ZNF410: variants seen among roughly 807,000 people sequenced by gnomAD.
The protein encoded by ZNF410 is another partner for ARF 1.
ZNF410 carries 18 observed loss-of-function variants against 54.8 expected under a neutral mutation model. The ratio of observed to expected loss-of-function variants is 0.33; its 90% CI spans 0.23 to 0.49. ZNF410 has a LOEUF of 0.49. Ranked by LOEUF, ZNF410 falls within the 20% of genes least tolerant of loss-of-function variation. The pLI, the probability that ZNF410 is intolerant of heterozygous loss-of-function variation, is 0.99. For synonymous variants in ZNF410, 191 were observed against 207.3 expected (o/e 0.92, Z 0.68); for missense variants, 405 against 569.6 (o/e 0.71, Z 2.94).
intron 11 of ZNF410, among the ~76,000 whole-genome samples, chr14:73,924,264 C>T (rs1235206684): frequency 6.6e-6 from 1 of 152,090 alleles, no homozygotes. Context: ...ATAGGGTTTG[C>T]GCTCCTATGA....
chr14:73,896,426 G>C lies in ZNF410; in HGVS notation c.280G>C (p.Val94Leu). The change falls in exon 4 of 12, where the codon GTA (valine) becomes CTA (leucine). Residue 94 changes from valine (V) to leucine (L), a missense_variant. Val to Leu is a conservative substitution (Grantham distance 32). Around this residue, in one of 3 missense-constraint regions of ZNF410, gnomAD observed 247 missense variants for 342.8 expected, o/e 0.72. Coordinates refer to ENST00000555044, the MANE Select transcript of ZNF410 (RefSeq NM_021188.3). Reference protein sequence around the residue: ...PDGEETRAQTVQKSPEFLSTS... With the variant: ...PDGEETRAQTLQKSPEFLSTS... ...CGGAGAGGAGACGAGAGCTCAGACTGTACAGAAATCCCCGGAGTTTTTGTC... is the reference window on the plus strand; with the variant it reads ...CGGAGAGGAGACGAGAGCTCAGACTCTACAGAAATCCCCGGAGTTTTTGTC... 1.2e-6 allele frequency: 2 copies of C among 1,614,216 alleles called. No individual in the cohort carries two copies. The highest frequency in any genetic ancestry group is 1.7e-6 in the Non-Finnish European group (2 of 1,180,038).
At chr14:73,921,972 T>A in intron 9 of ZNF410, 94 bp from the exon 10 acceptor site, 2 of 1,480,022 alleles carry the variant, frequency 1.4e-6, no homozygotes, top group Non-Finnish European at 1.8e-6. Flanking sequence ...TAACTTCTAG[T>A]AATGAAAGAG....
Position 73,931,529 on chromosome 14 carries a change from A to T in ZNF410, c.1425A>T (p.Glu475Asp), listed in dbSNP as rs1269772301. The stretch of plus-strand genomic sequence containing the variant: ...TACTAAACCAAGGAGATTTAACTGA[A>T]AGACGGACATGAGCGTGGGTGCTGA... ...QELLNQGDLTERRT is the reference protein window; with the variant it reads ...QELLNQGDLTDRRT The change falls in exon 12 of 12, where the codon GAA (glutamate) becomes GAT (aspartate). Residue 475 changes from glutamate to aspartate, a missense_variant. Transcript: ENST00000555044. 2.5e-6 allele frequency: 4 copies of T among 1,608,272 alleles called. No individual in the cohort carries two copies. The highest frequency in any genetic ancestry group is 8.5e-7 in the Non-Finnish European group (1 of 1,178,638).
chr14:73,918,997 CTTTTTTTTTTTT>C (rs906481832), intron 8 of ZNF410, among the ~76,000 whole-genome samples: 230 of 60,642 alleles, frequency 3.8e-3, no homozygotes, highest in African/African-American at 0.02. Flanking sequence ...CGTGCCCGGC[CTTTTTTTTTTTT>C]TTTTTTTTTT....
rs746275454 is a variant in ZNF410, at chr14:73,922,139, C to T, written c.1203C>T (p.Ser401=). The change falls in exon 10 of 12, where the codon TCC becomes TCT. Residue 401 remains serine (S), a synonymous_variant. Coordinates refer to ENST00000555044, the MANE Select transcript of ZNF410 (RefSeq NM_021188.3). The part of the protein sequence containing the change: ...VPSKNLVSMN[S]QPSLGGESLN... ...GTAAAAACCTGGTGTCTATGAATTC[C>T]CAGCCCAGCCTTGGTGGAGAGTCCT... The T allele has an allele frequency of 8.1e-6, 13 of 1,614,100 alleles. No individual in the cohort carries two copies. Among genetic ancestry groups the T allele is most frequent in the Non-Finnish European group, 9.3e-6 (11 of 1,180,024 alleles).
chr14:73,892,334 CT>C (rs1318059125), intron 2 of ZNF410, 126 bp downstream of exon 2: 22 of 866,184 alleles, frequency 2.5e-5, no homozygotes, highest in Non-Finnish European at 3.5e-5. Flanking sequence ...GTTTTTTAAG[CT>C]ATATGGTTTT....
At chr14:73,922,431 A>G (rs11620637) in intron 10 of ZNF410, 121,133 of 336,404 alleles carry the variant, frequency 0.36, 24,224 homozygotes, top group Non-Finnish European at 0.42. Flanking sequence ...AAAAATTCTT[A>G]AGAAAAAATT....
In ZNF410 at chr14:73,928,673, G is replaced by A. The variant is rs139344164; in HGVS notation, c.1399-2830G>A. ...CTAAAAAACGAAAGACCTGGGTGTGGTGGATCATGTCTATAATCCCAGCAC... is the reference window on the plus strand; with the variant it reads ...CTAAAAAACGAAAGACCTGGGTGTGATGGATCATGTCTATAATCCCAGCAC... On this transcript the variant is annotated intron_variant, in intron 11 of 11. Coordinates refer to ENST00000555044, the MANE Select transcript of ZNF410 (RefSeq NM_021188.3). Among the ~76,000 whole-genome samples the A allele has an allele frequency of 2.5e-4, 38 of 152,290 alleles. No homozygotes were observed. In the East Asian group the frequency reaches 7.1e-3, roughly 29 times the overall value.
Position 73,931,963 on chromosome 14 carries a change from T to A in ZNF410, c.*422T>A. ...CCAACAACAGAGCTTCACCAGGAAG[T>A]TGAGTTTTCAAGATGCCTTGTTGCT... On this transcript the variant is annotated 3_prime_UTR_variant, in exon 12 of 12. Coordinates refer to ENST00000555044, the MANE Select transcript of ZNF410 (RefSeq NM_021188.3). The A allele has an allele frequency of 2.2e-6, 1 of 456,832 alleles. No individual in the cohort carries two copies. Among genetic ancestry groups the A allele is most frequent in the Non-Finnish European group, 4.4e-6 (1 of 227,066 alleles). The allele number at this position is 456,832 out of a possible 1,614,324, so 28.3% of individuals were successfully genotyped here.
intron 11 of ZNF410, among the ~76,000 whole-genome samples, chr14:73,931,056 C>T (rs1010352404): frequency 2.6e-5 from 4 of 152,168 alleles, no homozygotes; most frequent in Admixed American, 2.6e-4. Flanking sequence ...ACCCCTAGAT[C>T]TTTTATGAGT....
At chr14:73,897,067 G>A (rs979284277) in intron 4 of ZNF410, among the ~76,000 whole-genome samples, 1 of 152,156 alleles carries the variant, frequency 6.6e-6, no homozygotes, top group African/African-American at 2.4e-5. Flanking sequence ...CTGGGAGAGA[G>A]TGGTAGCAGG....
At chr14:73,927,631 C>A (rs753550535) in intron 11 of ZNF410, among the ~76,000 whole-genome samples, 2 of 152,084 alleles carry the variant, frequency 1.3e-5, no homozygotes, top group Non-Finnish European at 2.9e-5. Flanking sequence ...AAATTTAATT[C>A]ATTCAGCGGC....
chr14:73,898,449 C>A, intron 5 of ZNF410, 187 bp downstream of exon 5: 1 of 653,306 alleles, frequency 1.5e-6, no homozygotes. Context: ...GTGTTCAAAA[C>A]CAACTAGTAT....
intron 5 of ZNF410, chr14:73,898,494 C>T: frequency 3.7e-6 from 2 of 547,066 alleles, no homozygotes; most frequent in South Asian, 2.8e-5. Context: ...GTACAGAGCC[C>T]CTTTTAAAGA....
At chr14:73,887,772 A>G (rs1041290777) in intron 1 of ZNF410, among the ~76,000 whole-genome samples, 4 of 152,230 alleles carry the variant, frequency 2.6e-5, no homozygotes, top group African/African-American at 9.6e-5. Flanking sequence ...AGTAGCAGTC[A>G]GAAGTTTTAA....
rs948964914 is a variant in ZNF410, at chr14:73,903,964, A to G, written c.585A>G (p.Glu195=). The G allele has an allele frequency of 3.7e-6, 6 of 1,614,074 alleles. No homozygotes were observed. The highest frequency in any genetic ancestry group is 3.3e-4 in the Middle Eastern group (2 of 6,084). The change falls in exon 6 of 12, where the codon GAA becomes GAG. Residue 195 remains glutamate (E), a synonymous_variant. Transcript: ENST00000555044. ...AKNAKTSSNG[E]NVHLGSGDGQ... ...AAATATGTGACTCTGTTACAGGAGA[A>G]AATGTCCACCTTGGTTCTGGTGATG...
At chr14:73,926,566 C>T (rs1028114241) in intron 11 of ZNF410, among the ~76,000 whole-genome samples, 1 of 152,052 alleles carries the variant, frequency 6.6e-6, no homozygotes, top group African/African-American at 2.4e-5. Context: ...TCCCAATTAG[C>T]TGGGATTACA....
intron 11 of ZNF410, among the ~76,000 whole-genome samples, chr14:73,930,523 C>T (rs1225600944): frequency 2.0e-5 from 3 of 152,102 alleles, no homozygotes; most frequent in South Asian, 2.1e-4. Flanking sequence ...CAAGTAAATA[C>T]ATCTCAAGCT....
intron 7 of ZNF410, chr14:73,905,325 G>C (rs549430285): frequency 2.9e-4 from 117 of 399,660 alleles, no homozygotes; most frequent in South Asian, 4.7e-4. Context: ...CCTGCAGGGA[G>C]AGCTGTAAGA....
Sources: gnomAD v4.1 joint callset for allele counts (sites outside exome capture counted in the v4.1 genomes callset) on GRCh38, gnomAD v4.1.1 for gene constraint, gnomAD v4.1.1 regional missense constraint, MANE v1.5 for transcripts, NCBI Gene and HGNC (gene_info 2026-07-23, HGNC 2026-07-21) for gene names.